The following FAM193B variants were observed in gnomAD, a reference collection of about 807,000 sequenced individuals.
The protein encoded by FAM193B is protein FAM193B.
A neutral mutation model predicts 70.7 loss-of-function variants in FAM193B; 27 were observed. The ratio of observed to expected loss-of-function variants is 0.38; its 90% confidence interval spans 0.28 to 0.53. The LOEUF is 0.53. FAM193B is among the 20% of genes least tolerant of loss of function. The pLI, the probability that FAM193B is intolerant of heterozygous loss-of-function variation, is 0.81. For missense variants in FAM193B, 1,022 were observed against 1,072.5 expected (o/e 0.95, Z 0.66); for synonymous variants, 448 against 436.0 (o/e 1.03, Z -0.34).
Position 177,521,968 on chromosome 5 carries a change from C to T in FAM193B, c.*1+6G>A, listed in dbSNP as rs533278100. The stretch of plus-strand genomic sequence containing the variant: ...GCAGTGGATGTAACTCTTGGGGTCT[C>T]TGTACCTCACTGAGCTGTGCTAGGA... On this transcript the variant is annotated splice_donor_region_variant and intron_variant, in intron 8 of 8. Coordinates refer to ENST00000514747, the MANE Select transcript of FAM193B (RefSeq NM_001190946.3). 270 of 1,612,538 alleles carry T rather than the reference C, an allele frequency of 1.7e-4. 6 individuals carry two copies. In the Admixed American group the frequency reaches 4.3e-3, roughly 26 times the overall value.
At chr5:177,534,359 C>T (rs1478981617) in intron 4 of FAM193B, among the ~76,000 whole-genome samples, 4 of 143,810 alleles carry the variant, frequency 2.8e-5, no homozygotes, top group East Asian at 2.0e-4. Context: ...TGCAGTGTTG[C>T]GACCTCGGCT....
chr5:177,524,395 TCCC>T lies in FAM193B; in HGVS notation c.2083_2085del (p.Gly695del). The T allele has an allele frequency of 6.4e-7, 1 of 1,571,932 alleles. No individual in the cohort carries two copies. Among genetic ancestry groups the T allele is most frequent in the Non-Finnish European group, 8.6e-7 (1 of 1,160,026 alleles). On this transcript the variant is annotated inframe_deletion, in exon 6 of 9. Coordinates refer to ENST00000514747, the MANE Select transcript of FAM193B (RefSeq NM_001190946.3). ...CCAGCCCAACCTGGTCCTGGCCGGC[TCCC>T]CCGGCTCCCCTCTCCAGCCTCAGCA...
chr5:177,526,771 G>A (rs1192935322), intron 5 of FAM193B, among the ~76,000 whole-genome samples: 1 of 152,244 alleles, frequency 6.6e-6, no homozygotes, highest in African/African-American at 2.4e-5. Flanking sequence ...GGAAGTGGCA[G>A]AGCCAGGACA....
At chr5:177,536,197 G>T in intron 4 of FAM193B, 161 bp downstream of exon 4, 1 of 783,602 alleles carries the variant, frequency 1.3e-6, no homozygotes, top group Non-Finnish European at 2.0e-6. Flanking sequence ...ATAGGTGTGA[G>T]CCACTGTGCC....
At chr5:177,552,979 C>T (rs929299151) in intron 1 of FAM193B, among the ~76,000 whole-genome samples, 1 of 152,148 alleles carries the variant, frequency 6.6e-6, no homozygotes, top group African/African-American at 2.4e-5. Context: ...GATGGCATAG[C>T]CTGTGTCCCT....
chr5:177,547,287 T>TTTTTTTC (rs1765561984), intron 1 of FAM193B: 1 of 2,010 alleles, frequency 5.0e-4, no homozygotes, highest in Non-Finnish European at 2.7e-3. Context: ...AATTTATTTC[T>TTTTTTTC]TTTTTTTTTT....
intron 7 of FAM193B, 189 bp from the exon 8 acceptor site, chr5:177,522,260 G>C (rs889545567): frequency 1.8e-6 from 1 of 555,654 alleles, no homozygotes; most frequent in African/African-American, 1.9e-5. Flanking sequence ...TTGGGCCCAG[G>C]GAACTATGTA....
intron 1 of FAM193B, among the ~76,000 whole-genome samples, chr5:177,540,396 A>G (rs115809132): frequency 6.6e-6 from 1 of 152,170 alleles, no homozygotes; most frequent in African/African-American, 2.4e-5. Context: ...GATTACATTT[A>G]ATGCCTCCAA....
intron 5 of FAM193B, among the ~76,000 whole-genome samples, chr5:177,525,943 C>A (rs925522487): frequency 1.3e-5 from 2 of 152,252 alleles, no homozygotes; most frequent in Admixed American, 6.5e-5. Context: ...CTCCATCCCA[C>A]CTCAAGGCCA....
At chr5:177,530,349 C>G (rs887379136) in intron 5 of FAM193B, among the ~76,000 whole-genome samples, 5 of 152,208 alleles carry the variant, frequency 3.3e-5, no homozygotes, top group African/African-American at 1.2e-4. Flanking sequence ...CTGTCTTCTG[C>G]AAATCCCATC....
At chr5:177,533,306 ATT>A (rs1394909751) in intron 4 of FAM193B, among the ~76,000 whole-genome samples, 10 of 141,280 alleles carry the variant, frequency 7.1e-5, no homozygotes, top group Non-Finnish European at 4.7e-5. Context: ...TAGAGTCGGC[ATT>A]TTTTTTTTTT....
rs1268985448 is a variant in FAM193B, at chr5:177,536,525, A to G, written c.909T>C (p.Thr303=). Residue 303 remains threonine (T), a synonymous_variant, in exon 4 of 9, where the codon ACT becomes ACC. Transcript: ENST00000514747. ...GATGGGAGCTCTGACATGGCCCTGG[A>G]GTGTGGGGGGCAGTGGCAGCAGCAA... ...CPVAAATAPH[T]PGPCQSSHLP... 6.6e-7 allele frequency: 1 copy of G among 1,520,322 alleles called. No homozygotes were observed. 94.2% of individuals were successfully genotyped at this position (1,520,322 alleles called of 1,614,324 possible).
intron 1 of FAM193B, among the ~76,000 whole-genome samples, chr5:177,542,703 A>G (rs1320447664): frequency 6.6e-6 from 1 of 152,212 alleles, no homozygotes; most frequent in Non-Finnish European, 1.5e-5. Context: ...GGCTCAATTT[A>G]AGTCCAACCT....
intron 5 of FAM193B, among the ~76,000 whole-genome samples, chr5:177,529,598 G>C (rs28473373): frequency 0.033 from 5,083 of 152,266 alleles, 149 homozygotes; most frequent in Middle Eastern, 0.071. Context: ...TGGGAGTACA[G>C]TGGAAGTTAC....
chr5:177,550,314 C>T (rs1212693092), intron 1 of FAM193B, among the ~76,000 whole-genome samples: 1 of 152,176 alleles, frequency 6.6e-6, no homozygotes, highest in Non-Finnish European at 1.5e-5. Flanking sequence ...GTAGTGCAGG[C>T]TGGGTAGGCA....
chr5:177,554,351 G>C lies in FAM193B; in HGVS notation c.108C>G (p.Ser36Arg). The C allele has an allele frequency of 1.6e-6, 2 of 1,230,978 alleles. No homozygotes were observed. The highest frequency in any genetic ancestry group is 7.2e-5 in the South Asian group (2 of 27,748). The allele number at this position is 1,230,978 out of a possible 1,614,324, so 76.3% of individuals were successfully genotyped here. A position where few individuals can be genotyped will look rare whatever the true frequency, so the allele number is the denominator to read the frequency against. ...GGCCTGCACCCGCTCCCGCCTCCAG[G>C]CTTGGCGGCGGCGGGGGCTCGGGCG... Reference protein sequence around the residue: ...PQAPEPPPPPSLEAGAGAGPP... With the variant: ...PQAPEPPPPPRLEAGAGAGPP... The change falls in exon 1 of 9, where the codon AGC becomes AGG. Residue 36 changes from serine to arginine, a missense_variant. Physicochemically the swap from Ser to Arg is moderately radical, Grantham distance 110. Coordinates refer to ENST00000514747, the MANE Select transcript of FAM193B (RefSeq NM_001190946.3).
At chr5:177,544,328 T>C (rs1765174999) in intron 1 of FAM193B, among the ~76,000 whole-genome samples, 1 of 152,212 alleles carries the variant, frequency 6.6e-6, no homozygotes, top group Non-Finnish European at 1.5e-5. Flanking sequence ...TGTCTTGGCC[T>C]GAGAAGCATT....
At chr5:177,548,423 C>T (rs1174158068) in intron 1 of FAM193B, among the ~76,000 whole-genome samples, 1 of 152,200 alleles carries the variant, frequency 6.6e-6, no homozygotes, top group Non-Finnish European at 1.5e-5. Flanking sequence ...ATTAATAGAT[C>T]AGAACTGGGG....
chr5:177,525,059 A>G lies in FAM193B; in HGVS notation c.1422T>C (p.Arg474=). 1 of 1,597,270 alleles carries G rather than the reference A, an allele frequency of 6.3e-7. No homozygotes were observed. The highest frequency in any genetic ancestry group is 8.5e-7 in the Non-Finnish European group (1 of 1,172,282). Residue 474 remains arginine (R), a synonymous_variant, in exon 6 of 9, where the codon CGT becomes CGC. Coordinates refer to ENST00000514747, the MANE Select transcript of FAM193B (RefSeq NM_001190946.3). ...TGACAGTGTTTTTGATCTCCTGCAG[A>G]CGGCTGCTCAGGAAGCTGTTGACCC... is the stretch of plus-strand genomic sequence containing the variant. ...LDRVNSFLSS[R]LQEIKNTVKD...
Sources: gnomAD v4.1 joint callset for allele counts (sites outside exome capture counted in the v4.1 genomes callset) on GRCh38, gnomAD v4.1.1 for gene constraint, MANE v1.5 for transcripts, NCBI Gene and HGNC (gene_info 2026-07-23, HGNC 2026-07-21) for gene names.